FNDC3A: variants seen among roughly 807,000 people sequenced by gnomAD.
FNDC3A encodes the protein fibronectin type-III domain-containing protein 3A.
FNDC3A carries 32 observed loss-of-function variants against 148.9 expected under a neutral mutation model. That is an observed-to-expected ratio of 0.21 (90% CI 0.16 to 0.29). The LOEUF is 0.29. FNDC3A is among the 10% of genes least tolerant of loss of function. FNDC3A has a pLI of 1.00. For synonymous variants in FNDC3A, 472 were observed against 473.6 expected, an observed-to-expected ratio of 1.00 and a Z score of 0.04; for missense variants, 1,191 against 1,452.8, an observed-to-expected ratio of 0.82 and a Z score of 2.93.
intron 6 of FNDC3A, among the ~76,000 whole-genome samples, chr13:49,138,457 A>G (rs1350985348): frequency 6.6e-6 from 1 of 152,178 alleles, no homozygotes; most frequent in Non-Finnish European, 1.5e-5. Context: ...GAATAAAAAT[A>G]TACTTGATAT....
chr13:49,023,791 C>G (rs1291448294), intron 2 of FNDC3A, among the ~76,000 whole-genome samples: 1 of 151,910 alleles, frequency 6.6e-6, no homozygotes, highest in African/African-American at 2.4e-5. Flanking sequence ...AAAGATGTTT[C>G]CCACTTTTGC....
chr13:49,143,741 G>C (rs1882819176), intron 7 of FNDC3A, among the ~76,000 whole-genome samples: 1 of 152,086 alleles, frequency 6.6e-6, no homozygotes, highest in South Asian at 2.1e-4. Flanking sequence ...CCCTAAGAGG[G>C]TGAGACTTCA....
chr13:49,045,789 C>CT, intron 2 of FNDC3A: 1 of 251,980 alleles, frequency 4.0e-6, no homozygotes, highest in East Asian at 6.7e-5. Flanking sequence ...TAATGACAGT[C>CT]CTTTTTTTTT....
intron 8 of FNDC3A, among the ~76,000 whole-genome samples, chr13:49,162,500 C>G (rs1884204249): frequency 6.6e-6 from 1 of 152,132 alleles, no homozygotes; most frequent in Non-Finnish European, 1.5e-5. Flanking sequence ...TTCTAGTTAG[C>G]CATTCGTCTA....
chr13:49,022,266 G>A (rs1408297842), intron 2 of FNDC3A, among the ~76,000 whole-genome samples: 1 of 152,174 alleles, frequency 6.6e-6, no homozygotes, highest in Non-Finnish European at 1.5e-5. Context: ...GAGCTAGGTA[G>A]TAGAGTAAAG....
rs1383909051 is a variant in FNDC3A, at chr13:49,167,139, G to A, written c.978-105G>A. On this transcript the variant is annotated intron_variant, in intron 8 of 25. Coordinates refer to ENST00000492622, the MANE Select transcript of FNDC3A (RefSeq NM_001079673.2). The stretch of plus-strand genomic sequence containing the variant: ...TCTGAATACAGTTACAGTTGGTAAA[G>A]AAAGAAGTAGTTTCATAAAATACTC... 1.1e-5 allele frequency: 7 copies of A among 615,288 alleles called. No homozygotes were observed. In the Admixed American group the frequency reaches 2.1e-4, roughly 18 times the overall value. 38.1% of individuals were successfully genotyped at this position (615,288 alleles called of 1,614,324 possible).
At chr13:49,076,603 T>C (rs942935534) in intron 3 of FNDC3A, among the ~76,000 whole-genome samples, 1 of 152,044 alleles carries the variant, frequency 6.6e-6, no homozygotes, top group Non-Finnish European at 1.5e-5. Flanking sequence ...TAGTACACCT[T>C]ATAGGATCAT....
At chr13:49,177,218 A>G (rs1340137340) in intron 13 of FNDC3A, among the ~76,000 whole-genome samples, 1 of 152,140 alleles carries the variant, frequency 6.6e-6, no homozygotes, top group African/African-American at 2.4e-5. Flanking sequence ...TGTTTTAGGG[A>G]AACTATGAGG....
intron 3 of FNDC3A, among the ~76,000 whole-genome samples, chr13:49,081,068 A>G (rs1736717265): frequency 6.6e-6 from 1 of 152,190 alleles, no homozygotes; most frequent in African/African-American, 2.4e-5. Context: ...GAGCATTTAT[A>G]TGTGTCAAAC....
intron 16 of FNDC3A, 86 bp downstream of exon 16, chr13:49,187,276 T>C: frequency 9.5e-7 from 1 of 1,056,666 alleles, no homozygotes; most frequent in Non-Finnish European, 1.4e-6. Flanking sequence ...GTCATATCTT[T>C]TCTTTCTTCT....
At chr13:49,082,852 G>A (rs1299461222) in intron 3 of FNDC3A, among the ~76,000 whole-genome samples, 1 of 152,112 alleles carries the variant, frequency 6.6e-6, no homozygotes, top group South Asian at 2.1e-4. Context: ...TGGCATGTAA[G>A]AACTTGAGCA....
intron 1 of FNDC3A, chr13:48,987,963 A>C (rs1488616369): frequency 6.6e-6 from 1 of 152,242 alleles, no homozygotes; most frequent in Non-Finnish European, 1.5e-5. Flanking sequence ...AGAGAAGATT[A>C]GCATGGCCCC....
rs74238207 is a variant in FNDC3A, at chr13:49,196,124, A to G, written c.2227-753A>G. Among the ~76,000 whole-genome samples the G allele has an allele frequency of 6.6e-4, 100 of 150,646 alleles. No individual in the cohort carries two copies. In the East Asian group the frequency reaches 0.018, roughly 27 times the overall value. Reference sequence around the variant, plus strand: ...AAAAAAAGAAGTTGAGCTAGCTCTTAAAGATGGGCATTTGGCAAAACTGCC... The same window carrying G: ...AAAAAAAGAAGTTGAGCTAGCTCTTGAAGATGGGCATTTGGCAAAACTGCC... On this transcript the variant is annotated intron_variant, in intron 19 of 25. Transcript: ENST00000492622.
intron 2 of FNDC3A, among the ~76,000 whole-genome samples, chr13:49,039,906 G>GTTTCATCA (rs1158041197): frequency 2.0e-5 from 3 of 152,094 alleles, no homozygotes; most frequent in African/African-American, 2.4e-5. Context: ...TAAAGACTAG[G>GTTTCATCA]TTTCATCATG....
chr13:49,104,770 A>G (rs1332063361), intron 3 of FNDC3A, among the ~76,000 whole-genome samples: 1 of 152,248 alleles, frequency 6.6e-6, no homozygotes, highest in African/African-American at 2.4e-5. Flanking sequence ...AAATGGAATC[A>G]GATCCTTTTC....
At chr13:49,057,597 T>C (rs1790249901) in intron 2 of FNDC3A, among the ~76,000 whole-genome samples, 1 of 152,240 alleles carries the variant, frequency 6.6e-6, no homozygotes. Context: ...AATATTCATG[T>C]TGCCATTAAT....
At chr13:49,130,985 C>T (rs1593633545) in intron 4 of FNDC3A, 152 bp from the exon 5 acceptor site, 3 of 622,230 alleles carry the variant, frequency 4.8e-6, no homozygotes, top group South Asian at 1.9e-5. Flanking sequence ...AGGCTGTTCT[C>T]GAACTCCTGA....
At chr13:49,139,498 T>C (rs1028700766) in intron 7 of FNDC3A, among the ~76,000 whole-genome samples, 2 of 152,220 alleles carry the variant, frequency 1.3e-5, no homozygotes, top group Non-Finnish European at 2.9e-5. Context: ...TTAGAAAAGT[T>C]ATTATTCTTA....
intron 2 of FNDC3A, among the ~76,000 whole-genome samples, chr13:49,013,634 A>G (rs937124890): frequency 2.7e-5 from 4 of 150,824 alleles, no homozygotes; most frequent in Non-Finnish European, 1.5e-5. Context: ...GTATACATGT[A>G]TACATGTACA....
Sources: allele counts gnomAD v4.1 joint callset (sites outside exome capture counted in the v4.1 genomes callset), GRCh38; gene constraint gnomAD v4.1.1; transcripts MANE v1.5; gene names NCBI Gene and HGNC (gene_info 2026-07-23, HGNC 2026-07-21).